LAMC1: variants seen among roughly 807,000 people sequenced by gnomAD.
The protein encoded by LAMC1 is laminin subunit gamma 1.
LAMC1 carries 38 observed loss-of-function variants against 173.6 expected under a neutral mutation model. The ratio of observed to expected loss-of-function variants is 0.22; its 90% CI spans 0.17 to 0.29. The LOEUF (loss-of-function observed/expected upper bound fraction) is 0.29, where lower values mean the gene tolerates loss of function less well. Ranked by LOEUF, LAMC1 falls within the 10% of genes least tolerant of loss-of-function variation. The pLI is 1.00. For synonymous variants in LAMC1, 746 were observed against 749.1 expected, an observed-to-expected ratio of 1.00 and a Z score of 0.07; for missense variants, 1,824 against 2,051.8, an observed-to-expected ratio of 0.89 and a Z score of 2.14.
chr1:183,119,085 TG>T (rs918639442), intron 11 of LAMC1, among the ~76,000 whole-genome samples: 70 of 152,076 alleles, frequency 4.6e-4, no homozygotes, highest in African/African-American at 1.4e-3. Flanking sequence ...TTAGTAGAGA[TG>T]GGGTTTTACC....
chr1:183,143,898 T>TGA lies in LAMC1; in HGVS notation c.*1108_*1109insGA. On this transcript the variant is annotated 3_prime_UTR_variant, in exon 28 of 28. Coordinates refer to ENST00000258341, the MANE Select transcript of LAMC1 (RefSeq NM_002293.4). ...CAGTTTTCTTCTGATGTTTCCATCT[T>TGA]CCAGAATCCCTCAAAAAACATTGTT... 2 of 152,320 alleles carry TGA rather than the reference T, an allele frequency of 1.3e-5. No homozygotes were observed. The highest frequency in any genetic ancestry group is 3.9e-4 in the East Asian group (2 of 5,180). The allele number at this position is 152,320 out of a possible 1,614,324, so 9.4% of individuals were successfully genotyped here.
chr1:183,121,682 AC>A (rs1275534889), intron 11 of LAMC1, 40 bp from the exon 12 acceptor site: 27 of 1,546,800 alleles, frequency 1.7e-5, no homozygotes, highest in Non-Finnish European at 2.3e-5. Context: ...GGTTTGGAAA[AC>A]AAGCCAGTTC....
At chr1:183,088,374 A>T (rs1000381117) in intron 1 of LAMC1, among the ~76,000 whole-genome samples, 55 of 152,352 alleles carry the variant, frequency 3.6e-4, no homozygotes, top group Admixed American at 1.0e-3. Context: ...ATTGTGGGTC[A>T]CAGCTCCCTA....
intron 1 of LAMC1, among the ~76,000 whole-genome samples, chr1:183,032,489 A>G (rs1373864828): frequency 6.6e-6 from 1 of 151,942 alleles, no homozygotes; most frequent in Admixed American, 6.6e-5. Flanking sequence ...AGGAGATAGT[A>G]ATTCAAAATC....
intron 1 of LAMC1, among the ~76,000 whole-genome samples, chr1:183,025,564 C>T (rs1038968396): frequency 1.3e-5 from 2 of 152,060 alleles, no homozygotes; most frequent in African/African-American, 4.8e-5. Context: ...AGCTAGTGAC[C>T]GAGGATTTCC....
At position 183,120,097 on chromosome 1, in the gene LAMC1, A is replaced by T. The variant is rs181915197; in HGVS notation, c.1991-1626A>T. ...GGGCAGGAGGATGCATGAACCCAAGAGGTCAAGCTCGCAGTGAGCTGTGAT... is the reference window on the plus strand; with the variant it reads ...GGGCAGGAGGATGCATGAACCCAAGTGGTCAAGCTCGCAGTGAGCTGTGAT... On this transcript the variant is annotated intron_variant, in intron 11 of 27. Transcript: ENST00000258341. 2.8e-5 allele frequency among the ~76,000 whole-genome samples: 4 copies of T among 144,742 alleles called. No individual in the cohort carries two copies. The East Asian group carries it at 6.5e-4, about 24-fold the overall frequency. The allele number at this position is 144,742 out of a possible 152,430, so 95.0% of individuals were successfully genotyped here. A position where few individuals can be genotyped will look rare whatever the true frequency, so the allele number is the denominator to read the frequency against.
intron 2 of LAMC1, 107 bp downstream of exon 2, chr1:183,103,739 G>A: frequency 1.1e-6 from 1 of 924,146 alleles, no homozygotes. Flanking sequence ...TACGGGGTCA[G>A]AGTAGAATAC....
At chr1:183,138,076 G>A (rs986899188) in intron 26 of LAMC1, 2 of 315,628 alleles carry the variant, frequency 6.3e-6, no homozygotes, top group Admixed American at 6.5e-5. Flanking sequence ...TTACACGTTT[G>A]AGGTTTTAGG....
At position 183,118,034 on chromosome 1, in the gene LAMC1, G is replaced by A; in HGVS notation, c.1878G>A (p.Arg626=). The part of the protein sequence containing the change: ...PSETTVKYVF[R]LHEATDYPWR... ...AATGTGGCCCTTTCTTTCTCTCCAG[G>A]CTCCATGAAGCAACAGATTACCCTT... Residue 626 remains arginine, a splice_region_variant and synonymous_variant, in exon 11 of 28, where the codon AGG becomes AGA. Coordinates refer to ENST00000258341, the MANE Select transcript of LAMC1 (RefSeq NM_002293.4). The A allele has an allele frequency of 6.3e-7, 1 of 1,590,980 alleles. No homozygotes were observed. Among genetic ancestry groups the A allele is most frequent in the Non-Finnish European group, 8.6e-7 (1 of 1,160,400 alleles).
intron 3 of LAMC1, among the ~76,000 whole-genome samples, chr1:183,109,724 C>T (rs918709099): frequency 5.9e-5 from 9 of 152,136 alleles, no homozygotes; most frequent in Non-Finnish European, 1.3e-4. Flanking sequence ...AGCTATGAGA[C>T]TGATTGCTGT....
chr1:183,096,305 GA>G, intron 1 of LAMC1, among the ~76,000 whole-genome samples: 1 of 152,240 alleles, frequency 6.6e-6, no homozygotes, highest in East Asian at 1.9e-4. Context: ...GTCTATTTCA[GA>G]ACTTTTGTTT....
At chr1:183,056,823 T>C (rs1488562794) in intron 1 of LAMC1, among the ~76,000 whole-genome samples, 1 of 152,180 alleles carries the variant, frequency 6.6e-6, no homozygotes, top group Non-Finnish European at 1.5e-5. Context: ...AACCTGGAAA[T>C]AGGAGATTAT....
At position 183,137,758 on chromosome 1, in the gene LAMC1, G is replaced by A. The variant is rs1375116898; in HGVS notation, c.4404G>A (p.Leu1468=). 1.9e-6 allele frequency: 3 copies of A among 1,611,878 alleles called. No individual in the cohort carries two copies. In the South Asian group the frequency reaches 3.3e-5, roughly 18 times the overall value. The change falls in exon 26 of 28, where the codon CTG becomes CTA. Residue 1468 remains leucine (L), a synonymous_variant. Coordinates refer to ENST00000258341, the MANE Select transcript of LAMC1 (RefSeq NM_002293.4). The part of the protein sequence containing the change: ...DNEVNNMLKQ[L]QEAEKELKRK... ...AGGTGAACAATATGTTGAAGCAACT[G>A]CAGGAAGCAGAAAAAGAGCTAAAGA...
At chr1:183,080,151 G>T (rs150188511) in intron 1 of LAMC1, among the ~76,000 whole-genome samples, 1 of 152,178 alleles carries the variant, frequency 6.6e-6, no homozygotes, top group African/African-American at 2.4e-5. Flanking sequence ...GGCTGAGGCA[G>T]GTGAATTGCT....
intron 25 of LAMC1, 64 bp downstream of exon 25, chr1:183,136,649 T>C: frequency 2.2e-6 from 3 of 1,386,294 alleles, no homozygotes; most frequent in Non-Finnish European, 3.0e-6. Context: ...TTCCAGTTTC[T>C]TTCCAGACCC....
rs375605457 is a variant in LAMC1 at position 183,114,555 on chromosome 1, A to G, written c.1046A>G (p.Gln349Arg). 3.7e-6 allele frequency: 6 copies of G among 1,614,108 alleles called. No individual in the cohort carries two copies. The highest frequency in any genetic ancestry group is 4.2e-6 in the Non-Finnish European group (5 of 1,180,046). Residue 349 changes from glutamine to arginine, a missense_variant, in exon 5 of 28, where the codon CAG becomes CGG. Gln to Arg is a conservative substitution (Grantham distance 43, BLOSUM62 1). Transcript: ENST00000258341. ...CLPCDCNGRS[Q>R]ECYFDPELYR... ...GCCTGTGATTGCAATGGTCGATCCCAGGAATGCTACTTCGACCCTGAACTC... is the reference window on the plus strand; with the variant it reads ...GCCTGTGATTGCAATGGTCGATCCCGGGAATGCTACTTCGACCCTGAACTC...
intron 1 of LAMC1, among the ~76,000 whole-genome samples, chr1:183,081,166 G>A (rs1026903538): frequency 9.2e-5 from 14 of 152,146 alleles, no homozygotes; most frequent in African/African-American, 2.9e-4. Context: ...GGGATTATAG[G>A]CGTCAGCCAC....
At chr1:183,125,365 T>G in intron 14 of LAMC1, 32 bp from the exon 15 acceptor site, 1 of 1,610,064 alleles carries the variant, frequency 6.2e-7, no homozygotes, top group South Asian at 1.1e-5. Flanking sequence ...AGGTGATTTG[T>G]GTCTTTTGCC....
Position 183,133,398 on chromosome 1 carries a change from T to A in LAMC1, c.3705-8T>A. 6.2e-7 allele frequency: 1 copy of A among 1,608,444 alleles called. No individual in the cohort carries two copies. Among genetic ancestry groups the A allele is most frequent in the Non-Finnish European group, 8.5e-7 (1 of 1,175,876 alleles). On this transcript the variant is annotated splice_region_variant and splice_polypyrimidine_tract_variant and intron_variant, in intron 21 of 27. Transcript: ENST00000258341. ...GATTGTCATTAAACCACATTATTTGTGTCTTAGGTATGAACAAGCGAAGAA... is the reference window on the plus strand; with the variant it reads ...GATTGTCATTAAACCACATTATTTGAGTCTTAGGTATGAACAAGCGAAGAA...
Sources: gnomAD v4.1 joint callset for allele counts (sites outside exome capture counted in the v4.1 genomes callset) on GRCh38, gnomAD v4.1.1 for gene constraint, MANE v1.5 for transcripts, NCBI Gene and HGNC (gene_info 2026-07-23, HGNC 2026-07-21) for gene names.